The following CACNB4 variants were observed in gnomAD, a reference collection of about 807,000 sequenced individuals.
CACNB4 encodes voltage-dependent L-type calcium channel subunit beta-4.
A neutral mutation model predicts 71.2 loss-of-function variants in CACNB4; 32 were observed. The ratio of observed to expected loss-of-function variants is 0.45; its 90% CI spans 0.34 to 0.60. The LOEUF (loss-of-function observed/expected upper bound fraction) is 0.60. CACNB4 is among the 20% of genes least tolerant of loss of function. The pLI, the probability that CACNB4 is intolerant of heterozygous loss-of-function variation, is 0.01. For synonymous variants in CACNB4, 231 were observed against 236.9 expected (o/e 0.97, Z 0.23); for missense variants, 464 against 647.9 (o/e 0.72, Z 3.08).
intron 2 of CACNB4, among the ~76,000 whole-genome samples, chr2:151,979,067 C>T (rs2099874269): frequency 6.6e-6 from 1 of 152,108 alleles, no homozygotes; most frequent in South Asian, 2.1e-4. Flanking sequence ...TCCATCATCC[C>T]CACCAGCCAC....
At chr2:152,062,349 C>T (rs16830672) in intron 2 of CACNB4, among the ~76,000 whole-genome samples, 3 of 152,100 alleles carry the variant, frequency 2.0e-5, no homozygotes, top group Non-Finnish European at 2.9e-5. Flanking sequence ...GAGTTGACAC[C>T]GCCATTGAGT....
At chr2:151,964,367 T>A (rs1002520593) in intron 2 of CACNB4, among the ~76,000 whole-genome samples, 6 of 152,190 alleles carry the variant, frequency 3.9e-5, no homozygotes, top group African/African-American at 1.4e-4. Flanking sequence ...AATATTCCTG[T>A]TTGTCAATGC....
chr2:152,048,217 T>C (rs2102902), intron 2 of CACNB4, among the ~76,000 whole-genome samples: 40,715 of 151,904 alleles, frequency 0.27, 5,727 homozygotes, highest in Middle Eastern at 0.43. Flanking sequence ...CCCCTAGATG[T>C]AACAACAAAA....
chr2:151,873,660 C>T (rs1416588001), intron 5 of CACNB4: 1 of 152,020 alleles, frequency 6.6e-6, no homozygotes, highest in Non-Finnish European at 1.5e-5. Flanking sequence ...AGATATAAAG[C>T]AGATGGAGTG....
At chr2:152,069,683 T>C (rs1432005704) in intron 2 of CACNB4, among the ~76,000 whole-genome samples, 2 of 151,978 alleles carry the variant, frequency 1.3e-5, no homozygotes, top group Non-Finnish European at 2.9e-5. Context: ...TCAGGTGATC[T>C]TGTCATAGGA....
At chr2:151,958,762 CT>C (rs1405459945) in intron 2 of CACNB4, among the ~76,000 whole-genome samples, 1 of 152,130 alleles carries the variant, frequency 6.6e-6, no homozygotes, top group African/African-American at 2.4e-5. Context: ...TGAATTCTTC[CT>C]CTCCTCAAAT....
At chr2:152,082,774 C>T (rs985616309) in intron 2 of CACNB4, among the ~76,000 whole-genome samples, 3 of 152,140 alleles carry the variant, frequency 2.0e-5, no homozygotes, top group East Asian at 1.9e-4. Flanking sequence ...CATATTTTCC[C>T]ATTAAAATAA....
At position 152,068,499 on chromosome 2, in the gene CACNB4, G is replaced by A. The variant is rs141507468; in HGVS notation, c.147+29831C>T. Among the ~76,000 whole-genome samples, 134 of 152,260 alleles carry A rather than the reference G, an allele frequency of 8.8e-4. 1 individual carries two copies. Among genetic ancestry groups the A allele is most frequent in the African/African-American group, 2.9e-3 (122 of 41,554 alleles). On this transcript the variant is annotated intron_variant, in intron 2 of 13. Transcript: ENST00000539935. ...CAGTGGGAACCAGAGGAAGATCATC[G>A]GGAGTGGTTTTAGACCAGGGGCTAC...
At chr2:151,897,650 T>C (rs564445641) in intron 2 of CACNB4, among the ~76,000 whole-genome samples, 1 of 152,334 alleles carries the variant, frequency 6.6e-6, no homozygotes, top group Non-Finnish European at 1.5e-5. Flanking sequence ...TGGTTACTCA[T>C]ACGAGAGCTG....
At chr2:151,866,235 T>G (rs573377184) in intron 9 of CACNB4, 1 of 152,370 alleles carries the variant, frequency 6.6e-6, no homozygotes, top group South Asian at 2.1e-4. Context: ...ATAGTCAAAC[T>G]GTTGGACTTT....
At chr2:151,870,163 T>G (rs1282477610) in intron 8 of CACNB4, 1 of 641,580 alleles carries the variant, frequency 1.6e-6, no homozygotes, top group South Asian at 1.8e-5. Flanking sequence ...TGCTGGAAGA[T>G]TGATTGTTTG....
chr2:151,839,572 G>A (rs530491827), intron 13 of CACNB4, among the ~76,000 whole-genome samples, 193 bp from the exon 14 acceptor site: 1 of 152,222 alleles, frequency 6.6e-6, no homozygotes, highest in Non-Finnish European at 1.5e-5. Flanking sequence ...AAAGATGCCA[G>A]AGTGTTGATA....
At chr2:151,870,699 G>T in intron 7 of CACNB4, 88 bp from the exon 8 acceptor site, 1 of 1,299,654 alleles carries the variant, frequency 7.7e-7, no homozygotes, top group Non-Finnish European at 1.1e-6. Context: ...TAATTCTCAG[G>T]TTGAACGACA....
rs191111872 is a variant in CACNB4 at position 152,088,799 on chromosome 2, C to T, written c.147+9531G>A. On this transcript the variant is annotated intron_variant, in intron 2 of 13. Coordinates refer to ENST00000539935, the MANE Select transcript of CACNB4 (RefSeq NM_000726.5). Reference sequence around the variant, plus strand: ...TTTATGTGTATAATAAGAAAAGACACGTTAAAGAAAATAGGGAAGTTTACA... The same window carrying T: ...TTTATGTGTATAATAAGAAAAGACATGTTAAAGAAAATAGGGAAGTTTACA... Among the ~76,000 whole-genome samples the T allele has an allele frequency of 3.2e-3, 494 of 152,202 alleles. 3 individuals are homozygous for T. Among genetic ancestry groups the T allele is most frequent in the African/African-American group, 0.011 (477 of 41,524 alleles).
chr2:151,912,118 G>T (rs114354382), intron 2 of CACNB4, among the ~76,000 whole-genome samples: 1 of 152,032 alleles, frequency 6.6e-6, no homozygotes, highest in Non-Finnish European at 1.5e-5. Flanking sequence ...CAAAAAAACA[G>T]CTCCTGGATT....
intron 2 of CACNB4, among the ~76,000 whole-genome samples, chr2:151,994,652 G>C (rs1185609534): frequency 6.6e-6 from 1 of 152,170 alleles, no homozygotes; most frequent in Non-Finnish European, 1.5e-5. Context: ...GCTGGGATTA[G>C]AGGCGCCTGT....
rs1020292376 is a variant in CACNB4 at position 151,848,065 on chromosome 2, C to T, written c.1116+5383G>A. ...GAACCCAAACATGTTTTCCTCCCCA[C>T]GCCCCTCCATCTGTCCATTCGTATT... is the stretch of plus-strand genomic sequence containing the variant. On this transcript the variant is annotated intron_variant, in intron 12 of 13. Coordinates refer to ENST00000539935, the MANE Select transcript of CACNB4 (RefSeq NM_000726.5). 7.2e-5 allele frequency among the ~76,000 whole-genome samples: 11 copies of T among 152,182 alleles called. No homozygotes were observed. In the South Asian group the frequency reaches 8.3e-4, roughly 11 times the overall value.
At chr2:151,882,441 A>G (rs1042915469) in intron 3 of CACNB4, among the ~76,000 whole-genome samples, 7 of 152,138 alleles carry the variant, frequency 4.6e-5, no homozygotes, top group African/African-American at 1.7e-4. Context: ...TCTAAAAATC[A>G]GAAGACTGAA....
At chr2:152,068,482 A>T (rs1686473359) in intron 2 of CACNB4, among the ~76,000 whole-genome samples, 1 of 152,190 alleles carries the variant, frequency 6.6e-6, no homozygotes, top group African/African-American at 2.4e-5. Flanking sequence ...ATCAGTGGGA[A>T]CCAGAGGAAG....
Sources: allele counts gnomAD v4.1 joint callset (sites outside exome capture counted in the v4.1 genomes callset), GRCh38; gene constraint gnomAD v4.1.1; transcripts MANE v1.5; gene names NCBI Gene and HGNC (gene_info 2026-07-23, HGNC 2026-07-21).